Variants in ETV3L observed in about 807,000 individuals in gnomAD.
The protein encoded by ETV3L is ETS translocation variant 3-like protein.
ETV3L carries 30 observed loss-of-function variants against 27.6 expected under a neutral mutation model. The observed-to-expected ratio is 1.09, with a 90% CI of 0.81 to 1.48. The LOEUF (loss-of-function observed/expected upper bound fraction) is 1.48. ETV3L is among the 40% of genes most tolerant of loss of function. The probability of loss-of-function intolerance (pLI) is 0.00; values close to 1 mark genes in which losing one functional copy is unlikely to be tolerated. For synonymous variants in ETV3L, 186 were observed against 188.9 expected, an observed-to-expected ratio of 0.98 and a Z score of 0.12; for missense variants, 443 against 455.6, an observed-to-expected ratio of 0.97 and a Z score of 0.25.
chr1:157,098,574 G>T, intron 3 of ETV3L, 132 bp downstream of exon 3: 1 of 838,912 alleles, frequency 1.2e-6, no homozygotes, highest in Non-Finnish European at 1.8e-6. Flanking sequence ...GGGCACTCAG[G>T]GTCTAGGATG....
In ETV3L at chr1:157,099,596, G is replaced by T; in HGVS notation, c.-73C>A. 7.8e-7 allele frequency: 1 copy of T among 1,274,008 alleles called. No homozygotes were observed. Among genetic ancestry groups the T allele is most frequent in the Non-Finnish European group, 1.1e-6 (1 of 895,470 alleles). The allele number at this position is 1,274,008 out of a possible 1,614,324, so 78.9% of individuals were successfully genotyped here. The stretch of plus-strand genomic sequence containing the variant: ...CACCACTTAAGAGGAAGGGAAGGAA[G>T]GAGGCAGAGGGGAGGACAGTGAAAG... On this transcript the variant is annotated 5_prime_UTR_variant, in exon 1 of 5. Coordinates refer to ENST00000454449, the MANE Select transcript of ETV3L (RefSeq NM_001004341.2).
In ETV3L at chr1:157,099,771, C is replaced by T. The variant is rs1219112438; in HGVS notation, c.-248G>A. The T allele has an allele frequency of 1.7e-6, 1 of 583,116 alleles. No individual in the cohort carries two copies. Among genetic ancestry groups the T allele is most frequent in the Non-Finnish European group, 3.0e-6 (1 of 329,302 alleles). The allele number at this position is 583,116 out of a possible 1,614,324, so 36.1% of individuals were successfully genotyped here. A position where few individuals can be genotyped will look rare whatever the true frequency, so the allele number is the denominator to read the frequency against. The stretch of plus-strand genomic sequence containing the variant: ...CCATACCCAGACAGGGCCCAGCCCC[C>T]TCTGGGGACCTCCCCGCTGCCCAGG... On this transcript the variant is annotated 5_prime_UTR_variant, in exon 1 of 5. Coordinates refer to ENST00000454449, the MANE Select transcript of ETV3L (RefSeq NM_001004341.2).
In ETV3L at chr1:157,098,942, A is replaced by C. The variant is rs532552968; in HGVS notation, c.297-47T>G. 12 of 1,564,854 alleles carry C rather than the reference A, an allele frequency of 7.7e-6. No individual in the cohort carries two copies. In the East Asian group the frequency reaches 2.5e-4, roughly 32 times the overall value. Reference sequence around the variant, plus strand: ...ATAGAGTTGGCCCAGCAGTCAGAGAATAGAGTCAGGGACCCAGTCACATTC... The same window carrying C: ...ATAGAGTTGGCCCAGCAGTCAGAGACTAGAGTCAGGGACCCAGTCACATTC... On this transcript the variant is annotated intron_variant, in intron 2 of 4. Coordinates refer to ENST00000454449, the MANE Select transcript of ETV3L (RefSeq NM_001004341.2).
Position 157,098,774 on chromosome 1 carries a change from G to A in ETV3L, c.418C>T (p.Pro140Ser). ...PLWEVRAPPS[P>S]HLLLGAPALC... ...GCAGGGGCCCCCAGCAGCAAGTGGG[G>A]GGATGGCGGCGCCCGCACTTCCCAC... The change falls in exon 3 of 5, where the codon CCC becomes TCC. Residue 140 changes from proline to serine, a missense_variant. Coordinates refer to ENST00000454449, the MANE Select transcript of ETV3L (RefSeq NM_001004341.2). The A allele has an allele frequency of 6.2e-7, 1 of 1,613,944 alleles. No homozygotes were observed. The highest frequency in any genetic ancestry group is 2.2e-5 in the East Asian group (1 of 44,880).
chr1:157,092,947 C>G lies in ETV3L; in HGVS notation c.788G>C (p.Gly263Ala), dbSNP rs12136960. The G allele has an allele frequency of 0.2, 317,123 of 1,613,600 alleles. 32,823 individuals are homozygous for G. Among genetic ancestry groups the G allele is most frequent in the East Asian group, 0.27 (12,090 of 44,836 alleles). ...PPLPSEQQLP[G>A]AFKPDILLPG... ...GAGCAGGATGTCTGGCTTAAAAGCC[C>G]CTGGGAGCTGCTGCTCTGACGGGAG... Residue 263 changes from glycine to alanine, a missense_variant, in exon 5 of 5, where the codon GGG (glycine) becomes GCG (alanine). Physicochemically the swap from Gly to Ala is moderately conservative, Grantham distance 60. Coordinates refer to ENST00000454449, the MANE Select transcript of ETV3L (RefSeq NM_001004341.2).
Position 157,092,559 on chromosome 1 carries a change from G to T in ETV3L, c.*90C>A. 1 of 1,127,530 alleles carries T rather than the reference G, an allele frequency of 8.9e-7. No homozygotes were observed. Among genetic ancestry groups the T allele is most frequent in the Non-Finnish European group, 1.3e-6 (1 of 789,238 alleles). The allele number at this position is 1,127,530 out of a possible 1,614,324, so 69.8% of individuals were successfully genotyped here. ...ATCCTGCAATTTCAGCCCATGTCCA[G>T]CCAGGGGAAGGGGCTAACCCAGAGG... On this transcript the variant is annotated 3_prime_UTR_variant, in exon 5 of 5. Transcript: ENST00000454449.
In ETV3L at chr1:157,098,733, C is replaced by A. The variant is rs550855165; in HGVS notation, c.459G>T (p.Ala153=). The change falls in exon 3 of 5, where the codon GCG becomes GCT. Residue 153 remains alanine (A), a synonymous_variant. Transcript: ENST00000454449. ...LLGAPALCRP[A]LVPVGVQSEL... is the part of the protein sequence containing the mutation. Reference sequence around the variant, plus strand: ...CACTCTGCACACCCACGGGCACCAGCGCTGGCCGACACAGGGCAGGGGCCC... The same window carrying A: ...CACTCTGCACACCCACGGGCACCAGAGCTGGCCGACACAGGGCAGGGGCCC... 27 of 1,609,628 alleles carry A rather than the reference C, an allele frequency of 1.7e-5. No individual in the cohort carries two copies. The East Asian group carries it at 5.8e-4, about 35-fold the overall frequency.
Position 157,092,560 on chromosome 1 carries a change from C to T in ETV3L, c.*89G>A. On this transcript the variant is annotated 3_prime_UTR_variant, in exon 5 of 5. Transcript: ENST00000454449. ...TCCTGCAATTTCAGCCCATGTCCAG[C>T]CAGGGGAAGGGGCTAACCCAGAGGC... 8.8e-7 allele frequency: 1 copy of T among 1,136,216 alleles called. No individual in the cohort carries two copies. The highest frequency in any genetic ancestry group is 1.6e-5 in the South Asian group (1 of 64,278). The allele number at this position is 1,136,216 out of a possible 1,614,324, so 70.4% of individuals were successfully genotyped here. A position where few individuals can be genotyped will look rare whatever the true frequency, so the allele number is the denominator to read the frequency against.
chr1:157,095,169 G>C (rs1005924712), intron 4 of ETV3L, among the ~76,000 whole-genome samples: 2 of 152,114 alleles, frequency 1.3e-5, no homozygotes, highest in Non-Finnish European at 2.9e-5. Context: ...GCTCCTGAGG[G>C]CATGTGGAAG....
intron 4 of ETV3L, among the ~76,000 whole-genome samples, chr1:157,096,128 T>C (rs1463422134): frequency 6.6e-6 from 1 of 152,094 alleles, no homozygotes; most frequent in Non-Finnish European, 1.5e-5. Context: ...TTGCACACAC[T>C]ATTCTCTCGC....
chr1:157,093,101 G>A lies in ETV3L; in HGVS notation c.634C>T (p.Arg212Trp), dbSNP rs898441688. Residue 212 changes from arginine (R) to tryptophan (W), a missense_variant, in exon 5 of 5, where the codon CGG becomes TGG. Coordinates refer to ENST00000454449, the MANE Select transcript of ETV3L (RefSeq NM_001004341.2). ...CCCAAATGGCAGCAAAGGCCCAGCC[G>A]GCAGGGGCCTGGGGCAGAGCCAAGT... ...YRLGSAPGPC[R>W]LGLCCHLGSV... 1.6e-5 allele frequency: 23 copies of A among 1,467,580 alleles called. No individual in the cohort carries two copies. Among genetic ancestry groups the A allele is most frequent in the South Asian group, 5.7e-5 (4 of 69,588 alleles). 90.9% of individuals were successfully genotyped at this position (1,467,580 alleles called of 1,614,324 possible).
rs771203484 is a variant in ETV3L, at chr1:157,097,921, C to T, written c.554G>A (p.Arg185Gln). ...ATCCCCAGAGGTCTCTGGTGGCCCT[C>T]GGGGGGTCTGCTGTCCTGTCAGCTG... is the stretch of plus-strand genomic sequence containing the variant. The part of the protein sequence containing the change: ...VEQLTGQQTP[R>Q]GPPETSGDKK... The change falls in exon 4 of 5, where the codon CGA (arginine) becomes CAA (glutamine). Residue 185 changes from arginine (R) to glutamine (Q), a missense_variant. Coordinates refer to ENST00000454449, the MANE Select transcript of ETV3L (RefSeq NM_001004341.2). The T allele has an allele frequency of 5.6e-6, 9 of 1,613,684 alleles. No homozygotes were observed. The Admixed American group carries it at 6.7e-5, about 12-fold the overall frequency.
chr1:157,092,713 T>C lies in ETV3L; in HGVS notation c.1022A>G (p.Glu341Gly). 2 of 1,614,052 alleles carry C rather than the reference T, an allele frequency of 1.2e-6. No homozygotes were observed. Among genetic ancestry groups the C allele is most frequent in the Non-Finnish European group, 1.7e-6 (2 of 1,179,938 alleles). Reference sequence around the variant, plus strand: ...CAGATTGGGGGAAGTAAGGCTTTCCTCCCCAGTTTTGAGTCTGCGGGTCTC... The same window carrying C: ...CAGATTGGGGGAAGTAAGGCTTTCCCCCCCAGTTTTGAGTCTGCGGGTCTC... ...CPETRRLKTG[E>G]ESLTSPNLEN... is the part of the protein sequence containing the mutation. The change falls in exon 5 of 5, where the codon GAG (glutamate) becomes GGG (glycine). Residue 341 changes from glutamate to glycine, a missense_variant. Transcript: ENST00000454449.
Position 157,098,832 on chromosome 1 carries a change from G to A in ETV3L, c.360C>T (p.Asn120=), listed in dbSNP as rs796424681. Residue 120 remains asparagine (N), a synonymous_variant, in exon 3 of 5, where the codon AAC becomes AAT. Coordinates refer to ENST00000454449, the MANE Select transcript of ETV3L (RefSeq NM_001004341.2). ...TKGKRFTYKF[N]FSKLIVVNYP... is the part of the protein sequence containing the mutation. ...AGTTGACTACGATGAGCTTGCTGAA[G>A]TTGAACTTGTATGTGAACCTTTTGC... is the stretch of plus-strand genomic sequence containing the variant. The A allele has an allele frequency of 3.1e-6, 5 of 1,614,162 alleles. No homozygotes were observed. The African/African-American group carries it at 5.3e-5, about 17-fold the overall frequency.
In ETV3L at chr1:157,093,015, C is replaced by T; in HGVS notation, c.720G>A (p.Leu240=). 1 of 1,606,658 alleles carries T rather than the reference C, an allele frequency of 6.2e-7. No individual in the cohort carries two copies. Among genetic ancestry groups the T allele is most frequent in the Non-Finnish European group, 8.5e-7 (1 of 1,176,134 alleles). ...ASFTPPLPPP[L]PSNWTCLSGP... is the part of the protein sequence containing the mutation. ...CCGAGAGACAGGTCCAGTTGGAGGG[C>T]AGAGGGGGCGGGAGGGGAGGAGTGA... The change falls in exon 5 of 5, where the codon CTG becomes CTA. Residue 240 remains leucine (L), a synonymous_variant. Coordinates refer to ENST00000454449, the MANE Select transcript of ETV3L (RefSeq NM_001004341.2).
chr1:157,094,481 T>C (rs1416744219), intron 4 of ETV3L, among the ~76,000 whole-genome samples: 2 of 152,220 alleles, frequency 1.3e-5, no homozygotes, highest in Admixed American at 1.3e-4. Flanking sequence ...GATGACTATA[T>C]AGAACTTCAC....
At chr1:157,094,737 A>AC (rs1171691412) in intron 4 of ETV3L, among the ~76,000 whole-genome samples, 1 of 151,928 alleles carries the variant, frequency 6.6e-6, no homozygotes, top group African/African-American at 2.4e-5. Flanking sequence ...ATGTGATGAA[A>AC]CCCCGTCTCT....
chr1:157,096,330 T>G (rs776071121), intron 4 of ETV3L, among the ~76,000 whole-genome samples: 9 of 152,186 alleles, frequency 5.9e-5, no homozygotes, highest in Non-Finnish European at 1.3e-4. Context: ...CCCTTGCCTA[T>G]AAGTCCCATA....
In ETV3L at chr1:157,099,596, G is replaced by C; in HGVS notation, c.-73C>G. ...CACCACTTAAGAGGAAGGGAAGGAAGGAGGCAGAGGGGAGGACAGTGAAAG... is the reference window on the plus strand; with the variant it reads ...CACCACTTAAGAGGAAGGGAAGGAACGAGGCAGAGGGGAGGACAGTGAAAG... On this transcript the variant is annotated 5_prime_UTR_variant, in exon 1 of 5. Coordinates refer to ENST00000454449, the MANE Select transcript of ETV3L (RefSeq NM_001004341.2). The C allele has an allele frequency of 7.8e-6, 10 of 1,273,964 alleles. No homozygotes were observed. Among genetic ancestry groups the C allele is most frequent in the Non-Finnish European group, 1.0e-5 (9 of 895,430 alleles). 78.9% of individuals were successfully genotyped at this position (1,273,964 alleles called of 1,614,324 possible).
Sources: allele counts gnomAD v4.1 joint callset (sites outside exome capture counted in the v4.1 genomes callset), GRCh38; gene constraint gnomAD v4.1.1; transcripts MANE v1.5; gene names NCBI Gene and HGNC (gene_info 2026-07-23, HGNC 2026-07-21).